The following HUWE1 variants were observed in gnomAD, a reference collection of about 807,000 sequenced individuals.
The protein encoded by HUWE1 is HECT, UBA and WWE domain containing E3 ubiquitin protein ligase 1.
HUWE1 carries 18 observed loss-of-function variants against 299.4 expected under a neutral mutation model. That is an observed-to-expected ratio of 0.06 (90% confidence interval 0.04 to 0.09). HUWE1 has a LOEUF of 0.09. Among genes scored for constraint, HUWE1 ranks in the 10% least tolerant of loss-of-function variants. The pLI, the probability that HUWE1 is intolerant of heterozygous loss-of-function variation, is 1.00. For synonymous variants in HUWE1, 1,317 were observed against 1,286.1 expected (o/e 1.02, Z -0.51); for missense variants, 1,832 against 3,462.3 (o/e 0.53, Z 11.82).
rs782378587 is a variant in HUWE1 at position 53,568,685 on chromosome X, A to T, written c.6707+7T>A. ...AGGAAAAGCCTGGGGCTGGGGCATG[A>T]TTTTACCTGGACAGGTCTAAGCTGT... is the stretch of plus-strand genomic sequence containing the variant. On this transcript the variant is annotated splice_region_variant and intron_variant, in intron 49 of 83. Coordinates refer to ENST00000262854, the MANE Select transcript of HUWE1 (RefSeq NM_031407.7). 3.3e-6 allele frequency: 4 copies of T among 1,205,616 alleles called. No individual in the cohort carries two copies. The highest frequency in any genetic ancestry group is 4.5e-6 in the Non-Finnish European group (4 of 892,034).
In HUWE1 at chrX:53,532,826, C is replaced by T. The variant is rs1224527711; in HGVS notation, c.*483G>A. The T allele has an allele frequency of 9.1e-6, 1 of 110,190 alleles. No homozygotes were observed. Among genetic ancestry groups the T allele is most frequent in the African/African-American group, 3.3e-5 (1 of 30,267 alleles). The allele number at this position is 110,190 out of a possible 1,213,427, so 9.1% of individuals were successfully genotyped here. A position where few individuals can be genotyped will look rare whatever the true frequency, so the allele number is the denominator to read the frequency against. On this transcript the variant is annotated 3_prime_UTR_variant, in exon 84 of 84. Transcript: ENST00000262854. Reference sequence around the variant, plus strand: ...GAGTGCTCTTTATTTGAAACCTCCACAACACAGACGCCAATCTTGTCTCGC... The same window carrying T: ...GAGTGCTCTTTATTTGAAACCTCCATAACACAGACGCCAATCTTGTCTCGC...
intron 23 of HUWE1, among the ~76,000 whole-genome samples, chrX:53,611,729 G>A (rs1478042530): frequency 9.1e-6 from 1 of 109,745 alleles, no homozygotes; most frequent in Non-Finnish European, 1.9e-5. Flanking sequence ...ATGGTGGCAC[G>A]TGTCTGTAAT....
At chrX:53,583,982 C>G (rs1556970670) in intron 41 of HUWE1, 66 bp from the exon 42 acceptor site, 1 of 945,419 alleles carries the variant, frequency 1.1e-6, no homozygotes. Context: ...CCACGCCTCC[C>G]TCCTAAGTAA....
At chrX:53,582,025 T>TA (rs2063643592) in intron 42 of HUWE1, among the ~76,000 whole-genome samples, 1 of 111,872 alleles carries the variant, frequency 8.9e-6, no homozygotes, top group African/African-American at 3.2e-5. Context: ...TACCGAAAGT[T>TA]AAGAGTATGC....
intron 18 of HUWE1, 134 bp downstream of exon 18, chrX:53,625,023 T>G: frequency 1.2e-5 from 6 of 502,901 alleles, no homozygotes; most frequent in Non-Finnish European, 1.8e-5. Context: ...ACAAAACAAC[T>G]AAAAGCTATT....
intron 33 of HUWE1, among the ~76,000 whole-genome samples, chrX:53,591,774 TG>T (rs2064174759): frequency 8.9e-6 from 1 of 112,190 alleles, no homozygotes; most frequent in South Asian, 3.7e-4. Flanking sequence ...TTAAAAGTCT[TG>T]TATTTTCCAA....
At position 53,583,905 on chromosome X, in the gene HUWE1, C is replaced by A; in HGVS notation, c.5173G>T (p.Ala1725Ser). ...TTTTCAGTGTTTGTACTCTCTAGGGCCAAAGGGGTATCTATAAAATGGGAA... is the reference window on the plus strand; with the variant it reads ...TTTTCAGTGTTTGTACTCTCTAGGGACAAAGGGGTATCTATAAAATGGGAA... ...KENKGNDTPL[A>S]LESTNTEKET... The change falls in exon 42 of 84, where the codon GCC becomes TCC. Residue 1725 changes from alanine (A) to serine (S), a missense_variant. Ala to Ser is a moderately conservative substitution (Grantham distance 99). Around this residue, in one of 15 missense-constraint regions of HUWE1, gnomAD observed 46 missense variants for 42.6 expected, o/e 1.08. Coordinates refer to ENST00000262854, the MANE Select transcript of HUWE1 (RefSeq NM_031407.7). 1.2e-5 allele frequency: 14 copies of A among 1,188,778 alleles called. No individual in the cohort carries two copies. The highest frequency in any genetic ancestry group is 1.6e-5 in the Non-Finnish European group (14 of 875,201).
intron 23 of HUWE1, among the ~76,000 whole-genome samples, chrX:53,609,647 T>C (rs1039481708): frequency 8.9e-6 from 1 of 112,161 alleles, no homozygotes; most frequent in African/African-American, 3.2e-5. Flanking sequence ...ACTACACATA[T>C]AGTATATTGT....
At chrX:53,660,169 G>T (rs2068928516) in intron 3 of HUWE1, among the ~76,000 whole-genome samples, 1 of 111,946 alleles carries the variant, frequency 8.9e-6, no homozygotes, top group Admixed American at 9.5e-5. Context: ...GGAAGCTAGG[G>T]AGCCTGGAAC....
At position 53,536,246 on chromosome X, in the gene HUWE1, T is replaced by C; in HGVS notation, c.12432A>G (p.Thr4144=). 2 of 1,181,414 alleles carry C rather than the reference T, an allele frequency of 1.7e-6. No homozygotes were observed. The highest frequency in any genetic ancestry group is 1.8e-5 in the South Asian group (1 of 56,239). The part of the protein sequence containing the change: ...KHILGKSVRY[T]DMESEDYHFY... ...AGTGGTAATCTTCACTCTCCATATC[T>C]GTATATCTAGAAAAACACAATTATA... The change falls in exon 80 of 84, where the codon ACA becomes ACG. Residue 4144 remains threonine, a synonymous_variant. Coordinates refer to ENST00000262854, the MANE Select transcript of HUWE1 (RefSeq NM_031407.7).
intron 6 of HUWE1, among the ~76,000 whole-genome samples, 163 bp downstream of exon 6, chrX:53,647,204 GA>G (rs1324576242): frequency 9.0e-6 from 1 of 111,602 alleles, no homozygotes; most frequent in Non-Finnish European, 1.9e-5. Flanking sequence ...CCCTATGAAG[GA>G]TAGTATCTAT....
At chrX:53,576,797 G>A (rs1602756742) in intron 44 of HUWE1, 103 bp downstream of exon 44, 1 of 792,473 alleles carries the variant, frequency 1.3e-6, no homozygotes, top group South Asian at 2.2e-5. Flanking sequence ...CCAGAGTATG[G>A]GCACATAGTG....
chrX:53,573,406 T>A (rs2062932795), intron 47 of HUWE1, among the ~76,000 whole-genome samples: 1 of 111,533 alleles, frequency 9.0e-6, no homozygotes, highest in African/African-American at 3.3e-5. Flanking sequence ...TGGGTTCAAG[T>A]GATTCCCTTG....
intron 9 of HUWE1, 69 bp downstream of exon 9, chrX:53,632,418 T>C (rs1286713643): frequency 5.1e-6 from 4 of 789,816 alleles, no homozygotes; most frequent in African/African-American, 2.1e-5. Context: ...AACTGAGGAG[T>C]TCTAGAAGAG....
In HUWE1 at chrX:53,546,843, G is replaced by C. The variant is rs949323063; in HGVS notation, c.10637-18C>G. ...GGGAGAAACTTTGAGGAAACAGACA[G>C]AACACTGTAAGCCTCTCTGAAACTC... On this transcript the variant is annotated intron_variant, in intron 68 of 83. Coordinates refer to ENST00000262854, the MANE Select transcript of HUWE1 (RefSeq NM_031407.7). 1.2e-4 allele frequency: 142 copies of C among 1,196,945 alleles called. No individual in the cohort carries two copies. The highest frequency in any genetic ancestry group is 1.6e-4 in the Non-Finnish European group (140 of 888,614).
intron 72 of HUWE1, 142 bp downstream of exon 72, chrX:53,544,418 C>T: frequency 7.6e-6 from 4 of 527,116 alleles, no homozygotes; most frequent in Non-Finnish European, 1.3e-5. Flanking sequence ...ATGCAGCCAT[C>T]AACATTCTGA....
chrX:53,577,362 G>C (rs1173575269), intron 43 of HUWE1, among the ~76,000 whole-genome samples: 1 of 107,291 alleles, frequency 9.3e-6, no homozygotes, highest in Non-Finnish European at 1.9e-5. Context: ...TTATGTTGAG[G>C]ATTAAATGAG....
At chrX:53,593,200 A>G (rs1038763500) in intron 32 of HUWE1, among the ~76,000 whole-genome samples, 164 bp downstream of exon 32, 2 of 112,649 alleles carry the variant, frequency 1.8e-5, no homozygotes, top group African/African-American at 3.2e-5. Context: ...TTTATCACGG[A>G]AAATTCTCAA....
At chrX:53,585,284 G>A in intron 39 of HUWE1, 96 bp from the exon 40 acceptor site, 1 of 873,923 alleles carries the variant, frequency 1.1e-6, no homozygotes, top group African/African-American at 2.0e-5. Flanking sequence ...ACTCACCCAG[G>A]AAAAAGAAAT....
Sources: gnomAD v4.1 joint callset for allele counts (sites outside exome capture counted in the v4.1 genomes callset) on GRCh38, gnomAD v4.1.1 for gene constraint, gnomAD v4.1.1 regional missense constraint, MANE v1.5 for transcripts, NCBI Gene and HGNC (gene_info 2026-07-23, HGNC 2026-07-21) for gene names.